Variants in HCRTR2 observed in about 807,000 individuals in gnomAD.
HCRTR2 encodes the protein orexin receptor type 2.
HCRTR2 carries 22 observed loss-of-function variants against 49.0 expected under a neutral mutation model. That is an observed-to-expected ratio of 0.45 (90% CI 0.32 to 0.64). The LOEUF (loss-of-function observed/expected upper bound fraction) is 0.64. HCRTR2 is among the 30% of genes least tolerant of loss of function. The probability of loss-of-function intolerance (pLI) is 0.04; values close to 1 mark genes in which losing one functional copy is unlikely to be tolerated. For missense variants in HCRTR2, 491 were observed against 559.4 expected (o/e 0.88, Z 1.23); for synonymous variants, 236 against 205.3 (o/e 1.15, Z -1.28).
intron 1 of HCRTR2, among the ~76,000 whole-genome samples, chr6:55,156,609 A>C (rs1337769650): frequency 1.3e-5 from 2 of 151,666 alleles, no homozygotes; most frequent in Admixed American, 1.3e-4. Context: ...ACACACACAC[A>C]CCAGATCAAT....
At chr6:55,125,281 T>C (rs2127241244) in intron 1 of HCRTR2, among the ~76,000 whole-genome samples, 1 of 152,348 alleles carries the variant, frequency 6.6e-6, no homozygotes, top group South Asian at 2.1e-4. Context: ...TAGCGCTTCC[T>C]TCAGGAGCTC....
chr6:55,115,026 G>GTA (rs1303158405), intron 1 of HCRTR2, among the ~76,000 whole-genome samples: 2 of 151,832 alleles, frequency 1.3e-5, no homozygotes, highest in African/African-American at 4.8e-5. Flanking sequence ...TTTTGGAACT[G>GTA]TAGTCAAGTG....
At chr6:55,182,866 G>A (rs1192148843) in intron 1 of HCRTR2, among the ~76,000 whole-genome samples, 1 of 152,042 alleles carries the variant, frequency 6.6e-6, no homozygotes, top group Non-Finnish European at 1.5e-5. Flanking sequence ...ACTACAAAGG[G>A]GATTGGGAGA....
At chr6:55,259,430 A>G (rs1766713856) in intron 3 of HCRTR2, among the ~76,000 whole-genome samples, 1 of 152,098 alleles carries the variant, frequency 6.6e-6, no homozygotes, top group South Asian at 2.1e-4. Context: ...TCCATGTTGA[A>G]TATTGGGAAA....
At chr6:55,145,131 CCTT>C (rs111372774) in intron 1 of HCRTR2, among the ~76,000 whole-genome samples, 7,612 of 152,202 alleles carry the variant, frequency 0.05, 610 homozygotes, top group African/African-American at 0.17. Flanking sequence ...TGTGCTCCCT[CCTT>C]CTCATTCCTT....
chr6:55,185,775 A>C (rs1765207563), intron 1 of HCRTR2, among the ~76,000 whole-genome samples: 1 of 152,368 alleles, frequency 6.6e-6, no homozygotes, highest in Non-Finnish European at 1.5e-5. Context: ...TTAACAGCCA[A>C]ACAAGAAGGC....
rs1435287668 is a variant in HCRTR2 at position 55,174,565 on chromosome 6, G to A, written c.-23G>A. ...GGCGGAGAGGAGCTTGCAGCATTGAGCGGAACCGGACTTGAGCCCGTGATG... is the reference window on the plus strand; with the variant it reads ...GGCGGAGAGGAGCTTGCAGCATTGAACGGAACCGGACTTGAGCCCGTGATG... On this transcript the variant is annotated 5_prime_UTR_variant, in exon 1 of 7. Coordinates refer to ENST00000370862, the MANE Select transcript of HCRTR2 (RefSeq NM_001384272.1). 6.3e-7 allele frequency: 1 copy of A among 1,597,698 alleles called. No individual in the cohort carries two copies. Among genetic ancestry groups the A allele is most frequent in the African/African-American group, 1.3e-5 (1 of 74,552 alleles).
intron 1 of HCRTR2, among the ~76,000 whole-genome samples, chr6:55,160,680 C>T (rs1764793276): frequency 6.6e-6 from 1 of 152,074 alleles, no homozygotes; most frequent in Non-Finnish European, 1.5e-5. Context: ...GCGGAGGTTG[C>T]AATCCTAGTC....
chr6:55,161,731 A>G (rs1046092322), intron 1 of HCRTR2, among the ~76,000 whole-genome samples: 1 of 152,196 alleles, frequency 6.6e-6, no homozygotes, highest in Non-Finnish European at 1.5e-5. Flanking sequence ...TAGAAAACCT[A>G]GAAGAAATGG....
chr6:55,284,207 A>G (rs1767243772), downstream of HCRTR2, among the ~76,000 whole-genome samples: 1 of 152,160 alleles, frequency 6.6e-6, no homozygotes, highest in Non-Finnish European at 1.5e-5. Flanking sequence ...ATAATTTAAA[A>G]GAGAGAAAAG....
At chr6:55,259,808 A>G (rs2127320005) in intron 3 of HCRTR2, among the ~76,000 whole-genome samples, 1 of 152,264 alleles carries the variant, frequency 6.6e-6, no homozygotes, top group East Asian at 1.9e-4. Context: ...TCTAGGTTAT[A>G]TACAAATGTC....
At chr6:55,152,263 G>A (rs1764673951) in intron 1 of HCRTR2, among the ~76,000 whole-genome samples, 1 of 151,674 alleles carries the variant, frequency 6.6e-6, no homozygotes, top group Admixed American at 6.6e-5. Flanking sequence ...TTTAATAGTA[G>A]CCATCCTAAC....
chr6:55,270,333 C>G (rs1373768290), intron 4 of HCRTR2, among the ~76,000 whole-genome samples: 1 of 152,202 alleles, frequency 6.6e-6, no homozygotes, highest in Non-Finnish European at 1.5e-5. Context: ...TTATTAGCAA[C>G]TTCAATGAGT....
chr6:55,234,381 C>T (rs1766175504), intron 1 of HCRTR2, among the ~76,000 whole-genome samples: 1 of 151,874 alleles, frequency 6.6e-6, no homozygotes, highest in Admixed American at 6.6e-5. Flanking sequence ...AAAAAATAGG[C>T]TATCTATATT....
chr6:55,207,208 T>C (rs1765616864), intron 1 of HCRTR2, among the ~76,000 whole-genome samples: 1 of 152,106 alleles, frequency 6.6e-6, no homozygotes, highest in African/African-American at 2.4e-5. Flanking sequence ...TATTGATCAA[T>C]AAATTGTTAC....
intron 1 of HCRTR2, among the ~76,000 whole-genome samples, chr6:55,221,174 C>G (rs1765882962): frequency 6.6e-6 from 1 of 152,044 alleles, no homozygotes; most frequent in Non-Finnish European, 1.5e-5. Flanking sequence ...ATTATGATGT[C>G]ATTTTTTTCA....
chr6:55,109,028 G>A (rs1442478078), intron 1 of HCRTR2, among the ~76,000 whole-genome samples: 3 of 152,090 alleles, frequency 2.0e-5, no homozygotes, highest in Non-Finnish European at 4.4e-5. Context: ...TGGAGCAGGT[G>A]CTGGTATCCA....
chr6:55,133,078 G>C (rs1764381076), intron 1 of HCRTR2, among the ~76,000 whole-genome samples: 1 of 151,704 alleles, frequency 6.6e-6, no homozygotes, highest in Non-Finnish European at 1.5e-5. Flanking sequence ...GTCTTAGCTT[G>C]GTAAGATAAC....
At chr6:55,231,880 T>C (rs1766121436) in intron 1 of HCRTR2, among the ~76,000 whole-genome samples, 1 of 152,134 alleles carries the variant, frequency 6.6e-6, no homozygotes, top group African/African-American at 2.4e-5. Context: ...ATAATAGATG[T>C]CCCTTAAATA....
Sources: gnomAD v4.1 joint callset for allele counts (sites outside exome capture counted in the v4.1 genomes callset) on GRCh38, gnomAD v4.1.1 for gene constraint, MANE v1.5 for transcripts, NCBI Gene and HGNC (gene_info 2026-07-23, HGNC 2026-07-21) for gene names.